The following BCL11A variants were observed in gnomAD, a reference collection of about 807,000 sequenced individuals.
The protein encoded by BCL11A is B cell CLL/lymphoma 11A.
In BCL11A, 2 loss-of-function variants were observed where a neutral mutation model predicts 55.9. The observed-to-expected ratio is 0.04, with a 90% CI of 0.01 to 0.11. The LOEUF is 0.11. Ranked by LOEUF, BCL11A falls within the 10% of genes least tolerant of loss-of-function variation. BCL11A has a pLI of 1.00. For missense variants in BCL11A, 817 were observed against 1,137.1 expected, an observed-to-expected ratio of 0.72 and a Z score of 4.05; for synonymous variants, 465 against 473.4, an observed-to-expected ratio of 0.98 and a Z score of 0.23.
Position 60,458,587 on chromosome 2 carries a change from A to G in BCL11A, c.*1817T>C. On this transcript the variant is annotated 3_prime_UTR_variant, in exon 4 of 4. Transcript: ENST00000642384. ...AAGTAAGTAAGCTCAATAGTCAAGT[A>G]AATGGCTGGCAAAGTTTTTTTTTTT... 9.6e-7 allele frequency: 1 copy of G among 1,037,790 alleles called. No homozygotes were observed. Among genetic ancestry groups the G allele is most frequent in the Non-Finnish European group, 1.2e-6 (1 of 861,522 alleles). The allele number at this position is 1,037,790 out of a possible 1,614,324, so 64.3% of individuals were successfully genotyped here. A position where few individuals can be genotyped will look rare whatever the true frequency, so the allele number is the denominator to read the frequency against.
Position 60,457,953 on chromosome 2 carries a change from T to TC in BCL11A, c.*2450_*2451insG. ...AATGTCACACTTTTTTGTTTCTCTC[T>TC]TTTTTTTTTTTTTGAAGCATACAAA... On this transcript the variant is annotated 3_prime_UTR_variant, in exon 4 of 4. Transcript: ENST00000642384. The TC allele has an allele frequency of 1.6e-5, 3 of 185,618 alleles. No individual in the cohort carries two copies. The highest frequency in any genetic ancestry group is 1.9e-4 in the South Asian group (1 of 5,348). 11.5% of individuals were successfully genotyped at this position (185,618 alleles called of 1,614,324 possible).
At chr2:60,468,007 GAT>G in intron 3 of BCL11A, among the ~76,000 whole-genome samples, 2 of 85,396 alleles carry the variant, frequency 2.3e-5, no homozygotes, top group African/African-American at 4.0e-5. Context: ...TGGTGGTGGT[GAT>G]GGTGGTGGTG....
intron 2 of BCL11A, among the ~76,000 whole-genome samples, chr2:60,495,427 G>A (rs894604621): frequency 1.3e-5 from 2 of 152,202 alleles, no homozygotes; most frequent in African/African-American, 2.4e-5. Flanking sequence ...ATGCACACCT[G>A]GGGCATAGAG....
At chr2:60,454,582 A>G (rs918042679), downstream of BCL11A, among the ~76,000 whole-genome samples, 1 of 152,166 alleles carries the variant, frequency 6.6e-6, no homozygotes, top group Non-Finnish European at 1.5e-5. Context: ...AGTCATGTTC[A>G]TGTGTGTACG....
chr2:60,505,928 C>A (rs1679565202), intron 2 of BCL11A, among the ~76,000 whole-genome samples: 1 of 152,212 alleles, frequency 6.6e-6, no homozygotes, highest in South Asian at 2.1e-4. Flanking sequence ...ATAGCAGCCC[C>A]ACCTGGTTCG....
chr2:60,539,429 C>T (rs1669820031), intron 2 of BCL11A, among the ~76,000 whole-genome samples: 1 of 152,196 alleles, frequency 6.6e-6, no homozygotes, highest in African/African-American at 2.4e-5. Context: ...CGAATGAGCT[C>T]AGAAATAGAC....
intron 2 of BCL11A, chr2:60,537,002 T>C (rs1011132369): frequency 2.0e-5 from 3 of 152,260 alleles, no homozygotes; most frequent in Non-Finnish European, 2.9e-5. Context: ...TCCACTTGTA[T>C]GTAGAATAAG....
chr2:60,551,240 GC>G (rs1224916167), intron 1 of BCL11A, among the ~76,000 whole-genome samples: 1 of 152,214 alleles, frequency 6.6e-6, no homozygotes, highest in East Asian at 1.9e-4. Flanking sequence ...CCCACCGCCC[GC>G]CTTTCCAGGC....
chr2:60,459,083 C>G lies in BCL11A; in HGVS notation c.*1321G>C. 2 of 1,015,466 alleles carry G rather than the reference C, an allele frequency of 2.0e-6. No individual in the cohort carries two copies. The highest frequency in any genetic ancestry group is 2.4e-6 in the Non-Finnish European group (2 of 844,854). 62.9% of individuals were successfully genotyped at this position (1,015,466 alleles called of 1,614,324 possible). On this transcript the variant is annotated 3_prime_UTR_variant, in exon 4 of 4. Transcript: ENST00000642384. Reference sequence around the variant, plus strand: ...CATTGTATCAATATTAGCTTATATACCTGTTCTAGTTTTAAATGGCAAATA... The same window carrying G: ...CATTGTATCAATATTAGCTTATATAGCTGTTCTAGTTTTAAATGGCAAATA...
Position 60,503,039 on chromosome 2 carries a change from C to T in BCL11A, c.386-34206G>A, listed in dbSNP as rs570917000. 5.3e-5 allele frequency among the ~76,000 whole-genome samples: 8 copies of T among 152,320 alleles called. No individual in the cohort carries two copies. In the East Asian group the frequency reaches 7.7e-4, roughly 15 times the overall value. Reference sequence around the variant, plus strand: ...GGCTACTGGCTTGGAGCAAAACCAACGTGTCTGTCATCTTAATACACACGG... The same window carrying T: ...GGCTACTGGCTTGGAGCAAAACCAATGTGTCTGTCATCTTAATACACACGG... On this transcript the variant is annotated intron_variant, in intron 2 of 3. Coordinates refer to ENST00000642384, the MANE Select transcript of BCL11A (RefSeq NM_022893.4).
chr2:60,477,027 G>A (rs114390125), intron 2 of BCL11A, among the ~76,000 whole-genome samples: 8 of 152,122 alleles, frequency 5.3e-5, no homozygotes, highest in African/African-American at 9.7e-5. Context: ...TCACACAAAC[G>A]TATCACAAAC....
intron 2 of BCL11A, among the ~76,000 whole-genome samples, chr2:60,495,077 T>A (rs1273011130): frequency 6.6e-6 from 1 of 151,816 alleles, no homozygotes; most frequent in East Asian, 1.9e-4. Flanking sequence ...ATTTTGGGAG[T>A]CCACACGGCA....
intron 2 of BCL11A, among the ~76,000 whole-genome samples, chr2:60,519,195 C>T (rs193269946): frequency 1.2e-3 from 180 of 152,234 alleles, no homozygotes; most frequent in African/African-American, 4.0e-3. Context: ...GGTGTGAAAG[C>T]GGGGCAAGAA....
At chr2:60,471,678 C>A (rs1013562339) in intron 2 of BCL11A, among the ~76,000 whole-genome samples, 1 of 152,214 alleles carries the variant, frequency 6.6e-6, no homozygotes, top group Non-Finnish European at 1.5e-5. Flanking sequence ...CGCTTTCATT[C>A]TCCCCAGCCA....
intron 2 of BCL11A, among the ~76,000 whole-genome samples, chr2:60,493,978 A>C (rs1297548596): frequency 6.6e-6 from 1 of 152,160 alleles, no homozygotes; most frequent in Non-Finnish European, 1.5e-5. Context: ...CAGTGGCGGA[A>C]GCTGATTAAA....
chr2:60,512,725 T>TA (rs1253565723), intron 2 of BCL11A, among the ~76,000 whole-genome samples: 1 of 152,230 alleles, frequency 6.6e-6, no homozygotes, highest in East Asian at 1.9e-4. Context: ...ATCCCTACGT[T>TA]ACTTGAAGTT....
At chr2:60,552,499 T>G (rs1305155423) in intron 1 of BCL11A, among the ~76,000 whole-genome samples, 2 of 152,072 alleles carry the variant, frequency 1.3e-5, no homozygotes, top group Non-Finnish European at 2.9e-5. Flanking sequence ...AACACCCACC[T>G]CTGGCCGGAA....
chr2:60,457,925 TG>T lies in BCL11A; in HGVS notation c.*2478del. On this transcript the variant is annotated 3_prime_UTR_variant, in exon 4 of 4. Transcript: ENST00000642384. ...AACCGCCATTATATGGCTTCTCATCTGTAATGTCACACTTTTTTGTTTCTCT... is the reference window on the plus strand; with the variant it reads ...AACCGCCATTATATGGCTTCTCATCTTAATGTCACACTTTTTTGTTTCTCT... The T allele has an allele frequency of 9.6e-7, 1 of 1,046,252 alleles. No individual in the cohort carries two copies. The highest frequency in any genetic ancestry group is 1.2e-6 in the Non-Finnish European group (1 of 867,216). 64.8% of individuals were successfully genotyped at this position (1,046,252 alleles called of 1,614,324 possible).
intron 2 of BCL11A, chr2:60,544,336 T>G (rs1056336009): frequency 6.6e-6 from 1 of 152,224 alleles, no homozygotes; most frequent in Non-Finnish European, 1.5e-5. Context: ...TACACTTCTG[T>G]TCATTTTCCT....
Sources: gnomAD v4.1 joint callset for allele counts (sites outside exome capture counted in the v4.1 genomes callset) on GRCh38, gnomAD v4.1.1 for gene constraint, MANE v1.5 for transcripts, NCBI Gene and HGNC (gene_info 2026-07-23, HGNC 2026-07-21) for gene names.